The following KCND3 variants were observed in gnomAD, a reference collection of about 807,000 sequenced individuals.
KCND3 encodes A-type voltage-gated potassium channel KCND3.
A neutral mutation model predicts 51.1 loss-of-function variants in KCND3; 9 were observed. The observed-to-expected ratio is 0.18, with a 90% CI of 0.11 to 0.31. The LOEUF (loss-of-function observed/expected upper bound fraction) is 0.31. Among genes scored for constraint, KCND3 ranks in the 10% least tolerant of loss-of-function variants. KCND3 has a pLI of 1.00. For missense variants in KCND3, 526 were observed against 903.8 expected (o/e 0.58, Z 5.36); for synonymous variants, 349 against 368.0 (o/e 0.95, Z 0.59).
At chr1:111,853,671 T>A (rs1355535440) in intron 2 of KCND3, 1 of 152,274 alleles carries the variant, frequency 6.6e-6, no homozygotes, top group East Asian at 1.9e-4. Context: ...CCCTGTTCCC[T>A]ACTAGAGTGT....
At chr1:111,892,877 G>A (rs1254099756) in intron 2 of KCND3, among the ~76,000 whole-genome samples, 1 of 152,212 alleles carries the variant, frequency 6.6e-6, no homozygotes, top group Non-Finnish European at 1.5e-5. Flanking sequence ...GGGAGGTATA[G>A]AATTCAAACA....
chr1:111,835,113 C>T (rs550377250), intron 2 of KCND3, among the ~76,000 whole-genome samples: 51 of 152,250 alleles, frequency 3.3e-4, no homozygotes, highest in African/African-American at 1.2e-3. Flanking sequence ...ATTGAGGCAG[C>T]GCTGGGGGCC....
intron 2 of KCND3, among the ~76,000 whole-genome samples, chr1:111,853,235 A>G (rs1667904594): frequency 6.6e-6 from 1 of 152,212 alleles, no homozygotes; most frequent in East Asian, 1.9e-4. Flanking sequence ...ACTTGAGGCA[A>G]GTCATTTCAT....
At chr1:111,967,171 A>C (rs894856782) in intron 2 of KCND3, among the ~76,000 whole-genome samples, 8 of 151,224 alleles carry the variant, frequency 5.3e-5, no homozygotes, top group East Asian at 1.9e-4. Context: ...AAAAAAAAAA[A>C]CAAAACAAAA....
At chr1:111,916,898 A>G (rs968760580) in intron 2 of KCND3, among the ~76,000 whole-genome samples, 6 of 152,346 alleles carry the variant, frequency 3.9e-5, no homozygotes, top group Admixed American at 3.9e-4. Context: ...AATAAATTGT[A>G]TTTCTAGTTA....
intron 2 of KCND3, among the ~76,000 whole-genome samples, chr1:111,935,035 A>C (rs1208834097): frequency 1.3e-5 from 2 of 152,218 alleles, no homozygotes; most frequent in Non-Finnish European, 2.9e-5. Flanking sequence ...AAACTGAGTA[A>C]TCACTGGAGG....
At chr1:111,902,142 G>A (rs561833372) in intron 2 of KCND3, among the ~76,000 whole-genome samples, 58 of 152,212 alleles carry the variant, frequency 3.8e-4, no homozygotes, top group Non-Finnish European at 7.6e-4. Context: ...CCTGGCCAGT[G>A]GGTCCGAGAT....
chr1:111,921,067 C>T (rs1243229885), intron 2 of KCND3, among the ~76,000 whole-genome samples: 1 of 152,160 alleles, frequency 6.6e-6, no homozygotes, highest in Non-Finnish European at 1.5e-5. Flanking sequence ...GTAAGGAAAA[C>T]TAACATGGTT....
intron 2 of KCND3, among the ~76,000 whole-genome samples, chr1:111,831,088 A>T (rs1341473413): frequency 6.6e-6 from 1 of 152,244 alleles, no homozygotes; most frequent in Non-Finnish European, 1.5e-5. Context: ...GGTTTTCCAC[A>T]CTTGCTTTCC....
At chr1:111,927,755 C>G (rs1571861222) in intron 2 of KCND3, among the ~76,000 whole-genome samples, 2 of 152,202 alleles carry the variant, frequency 1.3e-5, no homozygotes, top group Admixed American at 1.3e-4. Flanking sequence ...CCCTAGGGGA[C>G]AAGCACTCAT....
chr1:111,792,207 A>G (rs1272111111), intron 2 of KCND3, among the ~76,000 whole-genome samples: 1 of 152,224 alleles, frequency 6.6e-6, no homozygotes, highest in East Asian at 1.9e-4. Flanking sequence ...GGAACAATGT[A>G]CCAGAGCCTG....
chr1:111,931,847 C>T (rs1212299845), intron 2 of KCND3, among the ~76,000 whole-genome samples: 1 of 152,214 alleles, frequency 6.6e-6, no homozygotes, highest in African/African-American at 2.4e-5. Flanking sequence ...TAGGAATGGG[C>T]CAGACTGACA....
chr1:111,898,975 C>T (rs1670255637), intron 2 of KCND3, among the ~76,000 whole-genome samples: 1 of 152,190 alleles, frequency 6.6e-6, no homozygotes. Flanking sequence ...ATTATAGTGG[C>T]TGTCCCACTA....
At chr1:111,833,791 AG>A (rs1380353119) in intron 2 of KCND3, among the ~76,000 whole-genome samples, 1 of 151,932 alleles carries the variant, frequency 6.6e-6, no homozygotes, top group Non-Finnish European at 1.5e-5. Context: ...TAGATATTCA[AG>A]GAAGGTGGTG....
rs367846001 is a variant in KCND3 at position 111,787,465 on chromosome 1, G to T, written c.1107-359C>A. Reference sequence around the variant, plus strand: ...ATTTAAGCTGAGAGCTGAATGTAAAGGAGCCAGCCATGTAAAACACCTGGG... The same window carrying T: ...ATTTAAGCTGAGAGCTGAATGTAAATGAGCCAGCCATGTAAAACACCTGGG... On this transcript the variant is annotated intron_variant, in intron 2 of 7. Coordinates refer to ENST00000302127, the MANE Select transcript of KCND3 (RefSeq NM_001378969.1). Among the ~76,000 whole-genome samples, 8 of 152,318 alleles carry T rather than the reference G, an allele frequency of 5.3e-5. No individual in the cohort carries two copies. In the East Asian group the frequency reaches 1.4e-3, roughly 26 times the overall value.
intron 2 of KCND3, among the ~76,000 whole-genome samples, chr1:111,977,641 C>T (rs1372463703): frequency 6.6e-6 from 1 of 152,140 alleles, no homozygotes; most frequent in South Asian, 2.1e-4. Context: ...CAAAACCAGG[C>T]CTGGGACTGG....
chr1:111,831,392 TA>T (rs1444311005), intron 2 of KCND3, among the ~76,000 whole-genome samples: 1 of 152,118 alleles, frequency 6.6e-6, no homozygotes, highest in Admixed American at 6.5e-5. Flanking sequence ...TCTGGTTGTT[TA>T]AAAGTGTGTA....
Position 111,825,882 on chromosome 1 carries a change from C to T in KCND3, c.1107-38776G>A, listed in dbSNP as rs530306190. 1.3e-3 allele frequency among the ~76,000 whole-genome samples: 201 copies of T among 152,298 alleles called. 3 individuals are homozygous for T. The highest frequency in any genetic ancestry group is 4.5e-3 in the African/African-American group (189 of 41,554). On this transcript the variant is annotated intron_variant, in intron 2 of 7. Transcript: ENST00000302127. ...TATTTCTAAAGTAGCACTATTTCCTCGGGAGAGATCCAAGAAGTGACTCTC... is the reference window on the plus strand; with the variant it reads ...TATTTCTAAAGTAGCACTATTTCCTTGGGAGAGATCCAAGAAGTGACTCTC...
chr1:111,785,712 C>A (rs1664573824), intron 3 of KCND3, among the ~76,000 whole-genome samples: 1 of 152,124 alleles, frequency 6.6e-6, no homozygotes, highest in South Asian at 2.1e-4. Flanking sequence ...GGTCGGCATA[C>A]ACAGATCTGT....
Sources: allele counts gnomAD v4.1 joint callset (sites outside exome capture counted in the v4.1 genomes callset), GRCh38; gene constraint gnomAD v4.1.1; transcripts MANE v1.5; gene names NCBI Gene and HGNC (gene_info 2026-07-23, HGNC 2026-07-21).